The following SMAD9 variants were observed in gnomAD, a reference collection of about 807,000 sequenced individuals.
The protein encoded by SMAD9 is SMAD family member 9, also known as MAD homolog 9.
SMAD9 carries 36 observed loss-of-function variants against 46.1 expected under a neutral mutation model. That is an observed-to-expected ratio of 0.78 (90% CI 0.60 to 1.03). The LOEUF is 1.03. SMAD9 is among the 50% of genes least tolerant of loss of function. The pLI, the probability that SMAD9 is intolerant of heterozygous loss-of-function variation, is 0.00. For missense variants in SMAD9, 572 were observed against 599.8 expected, an observed-to-expected ratio of 0.95 and a Z score of 0.48; for synonymous variants, 245 against 237.1, an observed-to-expected ratio of 1.03 and a Z score of -0.31.
intron 1 of SMAD9, among the ~76,000 whole-genome samples, chr13:36,903,690 A>G (rs970406073): frequency 6.6e-6 from 1 of 152,356 alleles, no homozygotes; most frequent in African/African-American, 2.4e-5. Context: ...TAATTCTTCT[A>G]GATAAGTTAA....
chr13:36,904,245 G>A (rs948549044), intron 1 of SMAD9, among the ~76,000 whole-genome samples: 12 of 152,088 alleles, frequency 7.9e-5, no homozygotes, highest in Non-Finnish European at 7.3e-5. Context: ...ACAATGTGTC[G>A]TCAATGTAAC....
chr13:36,853,280 G>T, intron 6 of SMAD9, 139 bp downstream of exon 6: 1 of 819,738 alleles, frequency 1.2e-6, no homozygotes, highest in Non-Finnish European at 2.0e-6. Flanking sequence ...GTGAAACTCC[G>T]TCTCAAAAAA....
In SMAD9 at chr13:36,845,533, T is replaced by G. The variant is rs2058033832; in HGVS notation, c.*3143A>C. The G allele has an allele frequency of 6.6e-6, 1 of 152,222 alleles. No homozygotes were observed. The highest frequency in any genetic ancestry group is 2.4e-5 in the African/African-American group (1 of 41,468). 9.4% of individuals were successfully genotyped at this position (152,222 alleles called of 1,614,324 possible). A position where few individuals can be genotyped will look rare whatever the true frequency, so the allele number is the denominator to read the frequency against. On this transcript the variant is annotated 3_prime_UTR_variant, in exon 7 of 7. Coordinates refer to ENST00000379826, the MANE Select transcript of SMAD9 (RefSeq NM_001127217.3). ...TACAGTGTTCTCTATTGTGTGATCC[T>G]TGTCCGTGGCAACCTTAAACGTGTG... is the stretch of plus-strand genomic sequence containing the variant.
chr13:36,881,075 C>T (rs551464588), intron 1 of SMAD9, among the ~76,000 whole-genome samples: 2 of 152,190 alleles, frequency 1.3e-5, no homozygotes, highest in South Asian at 4.1e-4. Flanking sequence ...ACAGCTGTCA[C>T]ATTTGTTATT....
intron 1 of SMAD9, among the ~76,000 whole-genome samples, chr13:36,899,490 G>A (rs118050095): frequency 0.011 from 1,600 of 152,278 alleles, 11 homozygotes; most frequent in Non-Finnish European, 0.014. Flanking sequence ...AATAAAGTAG[G>A]AAGAGTCCAG....
chr13:36,857,073 A>T (rs1313710294), intron 5 of SMAD9, among the ~76,000 whole-genome samples: 1 of 151,562 alleles, frequency 6.6e-6, no homozygotes, highest in Non-Finnish European at 1.5e-5. Flanking sequence ...CAAAGTGCTG[A>T]GATTACAGGC....
chr13:36,862,456 C>T (rs1037867753), intron 5 of SMAD9, among the ~76,000 whole-genome samples: 1 of 147,474 alleles, frequency 6.8e-6, no homozygotes, highest in Admixed American at 6.9e-5. Context: ...CCCACTAGCA[C>T]CATGACAGTT....
chr13:36,887,040 GTTT>G (rs200264324), intron 1 of SMAD9, among the ~76,000 whole-genome samples: 27 of 102,548 alleles, frequency 2.6e-4, no homozygotes, highest in South Asian at 2.1e-3. Context: ...CTTTGAATGG[GTTT>G]TTTTTTTTTT....
At chr13:36,900,825 T>A (rs997517339) in intron 1 of SMAD9, among the ~76,000 whole-genome samples, 1 of 152,184 alleles carries the variant, frequency 6.6e-6, no homozygotes, top group African/African-American at 2.4e-5. Flanking sequence ...CAGTGGCATT[T>A]AATATGTTCA....
intron 2 of SMAD9, among the ~76,000 whole-genome samples, chr13:36,873,860 T>C (rs149583785): frequency 6.6e-6 from 1 of 152,260 alleles, no homozygotes; most frequent in African/African-American, 2.4e-5. Flanking sequence ...TGAAACTCTG[T>C]CTCAAAAAAA....
chr13:36,905,634 T>C (rs1451644322), intron 1 of SMAD9, among the ~76,000 whole-genome samples: 1 of 151,512 alleles, frequency 6.6e-6, no homozygotes, highest in African/African-American at 2.4e-5. Context: ...ATTAGCCAGG[T>C]GTGGCTCTGC....
At chr13:36,888,161 G>A (rs1261986467) in intron 1 of SMAD9, among the ~76,000 whole-genome samples, 1 of 152,168 alleles carries the variant, frequency 6.6e-6, no homozygotes, top group Non-Finnish European at 1.5e-5. Context: ...TTGGCTCTGT[G>A]CCCCCGCCCA....
At chr13:36,866,917 T>A (rs999019075) in intron 4 of SMAD9, among the ~76,000 whole-genome samples, 2 of 152,166 alleles carry the variant, frequency 1.3e-5, no homozygotes, top group African/African-American at 4.8e-5. Context: ...TAAGAGTACC[T>A]CTCTGGCCAA....
chr13:36,861,063 G>A (rs747649166), intron 5 of SMAD9, among the ~76,000 whole-genome samples: 3 of 152,126 alleles, frequency 2.0e-5, no homozygotes, highest in Non-Finnish European at 2.9e-5. Context: ...ACAAATAAAT[G>A]CTTTCTACCA....
At chr13:36,864,181 CA>C (rs2058209602) in intron 5 of SMAD9, among the ~76,000 whole-genome samples, 1 of 152,192 alleles carries the variant, frequency 6.6e-6, no homozygotes, top group South Asian at 2.1e-4. Flanking sequence ...GGAATTAATT[CA>C]AAGATTATTT....
chr13:36,867,767 GC>G (rs747963444), intron 3 of SMAD9, among the ~76,000 whole-genome samples: 90 of 152,266 alleles, frequency 5.9e-4, no homozygotes, highest in Non-Finnish European at 1.1e-3. Flanking sequence ...TTAATTTTCA[GC>G]TTCTATGTTG....
intron 1 of SMAD9, among the ~76,000 whole-genome samples, chr13:36,917,317 G>A (rs1488131424): frequency 1.3e-5 from 2 of 151,860 alleles, no homozygotes; most frequent in African/African-American, 4.8e-5. Flanking sequence ...CCTTACTTAG[G>A]ACATGGACAT....
chr13:36,857,418 G>T (rs1375277581), intron 5 of SMAD9, among the ~76,000 whole-genome samples: 1 of 152,082 alleles, frequency 6.6e-6, no homozygotes, highest in South Asian at 2.1e-4. Flanking sequence ...CACATCTTGG[G>T]CTCTGTATCT....
chr13:36,879,703 A>G lies in SMAD9; in HGVS notation c.-14T>C. Reference sequence around the variant, plus strand: ...GGTGGAGTGCATAAGAGGCCACAGCAGGCTCCGGCGCGCACGGGAACCGCA... The same window carrying G: ...GGTGGAGTGCATAAGAGGCCACAGCGGGCTCCGGCGCGCACGGGAACCGCA... On this transcript the variant is annotated 5_prime_UTR_variant, in exon 2 of 7. Transcript: ENST00000379826. The G allele has an allele frequency of 6.2e-7, 1 of 1,613,590 alleles. No individual in the cohort carries two copies. The highest frequency in any genetic ancestry group is 8.5e-7 in the Non-Finnish European group (1 of 1,180,042).
Sources: gnomAD v4.1 joint callset for allele counts (sites outside exome capture counted in the v4.1 genomes callset) on GRCh38, gnomAD v4.1.1 for gene constraint, MANE v1.5 for transcripts, NCBI Gene and HGNC (gene_info 2026-07-23, HGNC 2026-07-21) for gene names.